The following GPC5 variants were observed in gnomAD, a reference collection of about 807,000 sequenced individuals.
GPC5 encodes glypican-5.
Under a neutral mutation model 53.9 loss-of-function variants are expected in GPC5, and 47 were observed. That is an observed-to-expected ratio of 0.87 (90% CI 0.69 to 1.11). The LOEUF is 1.11. Among genes scored for constraint, GPC5 ranks in the 50% most tolerant of loss-of-function variants. The pLI, the probability that GPC5 is intolerant of heterozygous loss-of-function variation, is 0.00. For missense variants in GPC5, 748 were observed against 713.1 expected, an observed-to-expected ratio of 1.05 and a Z score of -0.56; for synonymous variants, 286 against 263.3, an observed-to-expected ratio of 1.09 and a Z score of -0.84.
At chr13:91,531,037 A>G (rs891056227) in intron 2 of GPC5, among the ~76,000 whole-genome samples, 2 of 152,144 alleles carry the variant, frequency 1.3e-5, no homozygotes, top group Admixed American at 6.5e-5. Context: ...CTTACGTTGT[A>G]CCCACTTAGG....
intron 5 of GPC5, among the ~76,000 whole-genome samples, chr13:91,858,901 A>G (rs568584228): frequency 2.0e-5 from 3 of 152,072 alleles, no homozygotes; most frequent in East Asian, 1.9e-4. Flanking sequence ...GTGTCTAGGA[A>G]TGTATCCATT....
At chr13:92,721,985 T>C (rs1888520464) in intron 7 of GPC5, among the ~76,000 whole-genome samples, 1 of 152,022 alleles carries the variant, frequency 6.6e-6, no homozygotes, top group Non-Finnish European at 1.5e-5. Context: ...TAGAAACCCT[T>C]AAACAAACTG....
At chr13:92,152,076 A>AAATTACTTGAAAAAT in intron 7 of GPC5, among the ~76,000 whole-genome samples, 1 of 152,294 alleles carries the variant, frequency 6.6e-6, no homozygotes, top group East Asian at 1.9e-4. Context: ...AGAATTATTT[A>AAATTACTTGAAAAAT]AATTACTTGA....
chr13:92,615,616 A>G (rs1439003970), intron 7 of GPC5, among the ~76,000 whole-genome samples: 1 of 152,206 alleles, frequency 6.6e-6, no homozygotes, highest in Non-Finnish European at 1.5e-5. Context: ...TGTGTTCTTT[A>G]GATGTTAAAA....
chr13:91,492,840 C>A (rs1437046261), intron 2 of GPC5, among the ~76,000 whole-genome samples: 1 of 152,198 alleles, frequency 6.6e-6, no homozygotes, highest in Non-Finnish European at 1.5e-5. Context: ...TGTCAGCCAC[C>A]CACTCCGTGG....
intron 6 of GPC5, among the ~76,000 whole-genome samples, chr13:91,974,929 T>C (rs1398344303): frequency 5.9e-5 from 9 of 151,952 alleles, no homozygotes; most frequent in Admixed American, 4.6e-4. Context: ...GAGATATAGA[T>C]CAATGGAACA....
At chr13:92,280,264 T>C (rs2042905073) in intron 7 of GPC5, among the ~76,000 whole-genome samples, 2 of 152,156 alleles carry the variant, frequency 1.3e-5, no homozygotes, top group South Asian at 4.1e-4. Context: ...GTCTTCTTAG[T>C]ATAAGGATTT....
chr13:92,066,544 A>T, intron 6 of GPC5, among the ~76,000 whole-genome samples: 1 of 152,066 alleles, frequency 6.6e-6, no homozygotes, highest in East Asian at 1.9e-4. Flanking sequence ...GAACATTAAA[A>T]CCATAGCAAA....
chr13:91,749,013 C>G (rs757249670), intron 4 of GPC5, among the ~76,000 whole-genome samples: 5 of 152,050 alleles, frequency 3.3e-5, no homozygotes, highest in Non-Finnish European at 7.4e-5. Context: ...TACGCCATGG[C>G]AAGACATTTT....
chr13:91,480,299 T>G (rs1883229950), intron 2 of GPC5, among the ~76,000 whole-genome samples: 2 of 152,342 alleles, frequency 1.3e-5, no homozygotes, highest in Middle Eastern at 3.4e-3. Flanking sequence ...TGATTACTTT[T>G]GCAGTATGTA....
At chr13:91,728,839 G>A (rs1446702237) in intron 4 of GPC5, among the ~76,000 whole-genome samples, 174 bp downstream of exon 4, 1 of 151,566 alleles carries the variant, frequency 6.6e-6, no homozygotes, top group African/African-American at 2.4e-5. Context: ...TAATTTGGAA[G>A]ACAGGTTCCA....
chr13:91,726,716 G>A (rs188669507), intron 3 of GPC5, among the ~76,000 whole-genome samples: 29 of 152,148 alleles, frequency 1.9e-4, no homozygotes, highest in African/African-American at 2.6e-4. Context: ...CCTCCTGTGC[G>A]TCTCTGAAAT....
intron 2 of GPC5, among the ~76,000 whole-genome samples, chr13:91,630,011 C>T (rs1321176966): frequency 6.6e-6 from 1 of 152,082 alleles, no homozygotes; most frequent in East Asian, 1.9e-4. Flanking sequence ...TTTCTCTCAC[C>T]TACTGTGTTT....
At chr13:91,789,772 A>C (rs536334750) in intron 5 of GPC5, among the ~76,000 whole-genome samples, 53 of 152,326 alleles carry the variant, frequency 3.5e-4, no homozygotes, top group Non-Finnish European at 5.6e-4. Context: ...TATTTGGCGC[A>C]CTATCCTATA....
chr13:92,274,766 A>T (rs1204091923), intron 7 of GPC5, among the ~76,000 whole-genome samples: 1 of 152,166 alleles, frequency 6.6e-6, no homozygotes, highest in East Asian at 1.9e-4. Context: ...ACGACAACAG[A>T]GTGAGTTTAT....
chr13:91,911,730 C>T (rs779597502), intron 6 of GPC5, among the ~76,000 whole-genome samples: 25 of 152,172 alleles, frequency 1.6e-4, no homozygotes, highest in Middle Eastern at 6.8e-3. Context: ...AGAGTGGATA[C>T]GCTGAGAAGT....
intron 7 of GPC5, among the ~76,000 whole-genome samples, chr13:92,281,035 G>T (rs1390292542): frequency 1.3e-5 from 2 of 152,148 alleles, no homozygotes; most frequent in Non-Finnish European, 2.9e-5. Context: ...TGGAAAATTG[G>T]GTCACTCCCA....
chr13:92,550,668 T>A (rs1018186438), intron 7 of GPC5, among the ~76,000 whole-genome samples: 1 of 151,888 alleles, frequency 6.6e-6, no homozygotes, highest in Non-Finnish European at 1.5e-5. Flanking sequence ...TACATGTTTG[T>A]CAAAACTCAG....
At chr13:92,032,674 T>C (rs1216758752) in intron 6 of GPC5, among the ~76,000 whole-genome samples, 1 of 152,114 alleles carries the variant, frequency 6.6e-6, no homozygotes, top group Non-Finnish European at 1.5e-5. Context: ...GTGTCCTGTA[T>C]TGTAACTAAA....
Sources: allele counts gnomAD v4.1 joint callset (sites outside exome capture counted in the v4.1 genomes callset), GRCh38; gene constraint gnomAD v4.1.1; transcripts MANE v1.5; gene names NCBI Gene and HGNC (gene_info 2026-07-23, HGNC 2026-07-21).